The following KLHL2 variants were observed in gnomAD, a reference collection of about 807,000 sequenced individuals.
KLHL2 encodes the protein kelch like family member 2, also known as kelch-like protein 2.
In KLHL2, 15 loss-of-function variants were observed where a neutral mutation model predicts 75.8. That is an observed-to-expected ratio of 0.20 (90% CI 0.13 to 0.30). KLHL2 has a LOEUF of 0.30. KLHL2 is among the 10% of genes least tolerant of loss of function. KLHL2 has a pLI of 1.00. For missense variants in KLHL2, 381 were observed against 741.0 expected, an observed-to-expected ratio of 0.51 and a Z score of 5.64; for synonymous variants, 214 against 251.9, an observed-to-expected ratio of 0.85 and a Z score of 1.42.
At chr4:165,215,655 C>G (rs1578967524) in intron 1 of KLHL2, among the ~76,000 whole-genome samples, 1 of 152,030 alleles carries the variant, frequency 6.6e-6, no homozygotes, top group East Asian at 1.9e-4. Context: ...GTATTTATGT[C>G]CTAAATGTCA....
intron 1 of KLHL2, chr4:165,208,488 C>T (rs1023326973): frequency 6.6e-6 from 1 of 152,140 alleles, no homozygotes; most frequent in Non-Finnish European, 1.5e-5. Flanking sequence ...CTGTTTCGTT[C>T]GTACCTCGGG....
At chr4:165,258,851 C>T (rs4690809) in intron 4 of KLHL2, among the ~76,000 whole-genome samples, 68,611 of 151,848 alleles carry the variant, frequency 0.45, 16,875 homozygotes, top group African/African-American at 0.65. Context: ...TATTGAAAGA[C>T]TAGAATATTA....
At chr4:165,254,505 A>G (rs944668076) in intron 4 of KLHL2, among the ~76,000 whole-genome samples, 1 of 152,300 alleles carries the variant, frequency 6.6e-6, no homozygotes, top group African/African-American at 2.4e-5. Context: ...TTAAACGTTT[A>G]TATTTTTTGG....
At chr4:165,242,404 A>G (rs1739885818) in intron 4 of KLHL2, among the ~76,000 whole-genome samples, 4 of 152,390 alleles carry the variant, frequency 2.6e-5, no homozygotes, top group African/African-American at 9.6e-5. Context: ...AAAGTTTTGC[A>G]TACATTTTCA....
intron 4 of KLHL2, among the ~76,000 whole-genome samples, chr4:165,258,395 CAA>C (rs56083222): frequency 0.15 from 15,718 of 105,360 alleles, 1,606 homozygotes; most frequent in African/African-American, 0.36. Flanking sequence ...TTAACTATGA[CAA>C]AAAAAAAAAA....
chr4:165,222,665 T>C (rs1324561886), intron 2 of KLHL2, among the ~76,000 whole-genome samples: 1 of 152,206 alleles, frequency 6.6e-6, no homozygotes, highest in Non-Finnish European at 1.5e-5. Context: ...TTAAATCTTA[T>C]AGCCATTTTG....
intron 3 of KLHL2, among the ~76,000 whole-genome samples, chr4:165,231,494 T>C (rs1738888214): frequency 6.6e-6 from 1 of 152,220 alleles, no homozygotes; most frequent in East Asian, 1.9e-4. Flanking sequence ...GCAAATTTAC[T>C]GAGTCGTACT....
intron 5 of KLHL2, among the ~76,000 whole-genome samples, chr4:165,264,605 T>TATATATATATATATATATATATATAC (rs757273597): frequency 8.1e-6 from 1 of 124,102 alleles, no homozygotes; most frequent in African/African-American, 3.1e-5. Context: ...TATATATATA[T>TATATATATATATATATATATATATAC]ACACACACAC....
intron 5 of KLHL2, among the ~76,000 whole-genome samples, chr4:165,273,805 C>A (rs973301374): frequency 9.1e-4 from 139 of 152,314 alleles, no homozygotes; most frequent in Non-Finnish European, 2.1e-4. Context: ...GCAATTGTTC[C>A]TCATAGTGAA....
chr4:165,311,842 TGTG>T (rs1286298752), intron 11 of KLHL2, among the ~76,000 whole-genome samples: 2 of 150,470 alleles, frequency 1.3e-5, no homozygotes, highest in East Asian at 1.9e-4. Context: ...TGTGTGTGTG[TGTG>T]TTTGACTTAT....
chr4:165,293,670 ATTTTTTT>A (rs35736944), intron 5 of KLHL2, among the ~76,000 whole-genome samples: 2 of 125,990 alleles, frequency 1.6e-5, no homozygotes, highest in African/African-American at 3.0e-5. Flanking sequence ...TGCCTGGCTA[ATTTTTTT>A]TTTTTTTTTT....
chr4:165,281,297 C>CTT (rs1208433152), intron 5 of KLHL2, among the ~76,000 whole-genome samples: 1 of 141,452 alleles, frequency 7.1e-6, no homozygotes, highest in East Asian at 2.0e-4. Flanking sequence ...ACCTGATGCT[C>CTT]TCTCTCTCTC....
intron 14 of KLHL2, among the ~76,000 whole-genome samples, chr4:165,320,695 A>G (rs1256063871): frequency 6.6e-6 from 1 of 152,240 alleles, no homozygotes; most frequent in Non-Finnish European, 1.5e-5. Context: ...AGAAAAAGCT[A>G]TGAAAGTCAT....
In KLHL2 at chr4:165,299,530, CAAG is replaced by C; in HGVS notation, c.798_800del (p.Lys266del). 2 of 1,612,418 alleles carry C rather than the reference CAAG, an allele frequency of 1.2e-6. No homozygotes were observed. The highest frequency in any genetic ancestry group is 2.7e-5 in the African/African-American group (2 of 74,940). ...AGAGGGTTGAAGAGGAAGCATTGGT[CAAG>C]AATAGCAGTGCTTGCAAAGATTACC... On this transcript the variant is annotated inframe_deletion, in exon 8 of 15. Transcript: ENST00000226725.
At chr4:165,317,763 C>A in intron 13 of KLHL2, 63 bp from the exon 14 acceptor site, 1 of 1,251,208 alleles carries the variant, frequency 8.0e-7, no homozygotes, top group Non-Finnish European at 1.2e-6. Flanking sequence ...TAAACATGTA[C>A]AGTGATACTC....
At chr4:165,231,396 C>G (rs913952952) in intron 3 of KLHL2, among the ~76,000 whole-genome samples, 19 of 151,968 alleles carry the variant, frequency 1.3e-4, no homozygotes, top group African/African-American at 4.1e-4. Context: ...TTGCAGTGAA[C>G]CAAGATGGTG....
intron 4 of KLHL2, among the ~76,000 whole-genome samples, chr4:165,239,258 TTC>T (rs1739609811): frequency 6.7e-6 from 1 of 148,998 alleles, no homozygotes; most frequent in South Asian, 2.1e-4. Context: ...TATTTTTTAT[TTC>T]TGTCTTTTTT....
intron 3 of KLHL2, among the ~76,000 whole-genome samples, chr4:165,231,275 C>A (rs1355481781): frequency 6.6e-6 from 1 of 152,032 alleles, no homozygotes; most frequent in Non-Finnish European, 1.5e-5. Flanking sequence ...ATGGTGAAAA[C>A]CCATCTCTAT....
At chr4:165,272,058 T>G (rs1309011135) in intron 5 of KLHL2, among the ~76,000 whole-genome samples, 1 of 152,302 alleles carries the variant, frequency 6.6e-6, no homozygotes, top group African/African-American at 2.4e-5. Flanking sequence ...TTCAAAGTGG[T>G]TAGTTGAAAA....
Sources: gnomAD v4.1 joint callset for allele counts (sites outside exome capture counted in the v4.1 genomes callset) on GRCh38, gnomAD v4.1.1 for gene constraint, MANE v1.5 for transcripts, NCBI Gene and HGNC (gene_info 2026-07-23, HGNC 2026-07-21) for gene names.